ZFHX4: variants seen among roughly 807,000 people sequenced by gnomAD.
The protein encoded by ZFHX4 is zinc finger homeobox 4.
Under a neutral mutation model 267.6 loss-of-function variants are expected in ZFHX4, and 56 were observed. The observed-to-expected ratio is 0.21, with a 90% CI of 0.17 to 0.26. The LOEUF is 0.26. ZFHX4 is among the 10% of genes least tolerant of loss of function. The pLI is 1.00. For synonymous variants in ZFHX4, 1,778 were observed against 1,665.6 expected (o/e 1.07, Z -1.64); for missense variants, 4,332 against 4,420.0 (o/e 0.98, Z 0.56).
At chr8:76,732,986 AC>A (rs139477294) in intron 3 of ZFHX4, among the ~76,000 whole-genome samples, 5,996 of 152,202 alleles carry the variant, frequency 0.039, 268 homozygotes, top group East Asian at 0.24. Context: ...CAGAGCAGAG[AC>A]TATTTAGACA....
intron 3 of ZFHX4, among the ~76,000 whole-genome samples, chr8:76,768,141 G>A (rs1000789506): frequency 2.0e-5 from 3 of 152,110 alleles, no homozygotes; most frequent in Non-Finnish European, 4.4e-5. Context: ...TGTGAACGAA[G>A]GCATGTAAAT....
chr8:76,726,750 A>G (rs192362844), intron 3 of ZFHX4, among the ~76,000 whole-genome samples: 1 of 152,162 alleles, frequency 6.6e-6, no homozygotes, highest in Non-Finnish European at 1.5e-5. Flanking sequence ...ATCTTCCTTG[A>G]CTATGAAAGG....
At position 76,812,756 on chromosome 8, in the gene ZFHX4, C is replaced by T. The variant is rs191546643; in HGVS notation, c.3326-20582C>T. Among the ~76,000 whole-genome samples the T allele has an allele frequency of 3.2e-3, 490 of 151,798 alleles. 2 individuals carry two copies. Among genetic ancestry groups the T allele is most frequent in the African/African-American group, 0.011 (448 of 41,426 alleles). On this transcript the variant is annotated intron_variant, in intron 4 of 10. Transcript: ENST00000651372. ...TTTTTAGGTTCCATAAAGATTGTAA[C>T]GAAAAAAATGGATTTGCGGTACACA...
intron 4 of ZFHX4, among the ~76,000 whole-genome samples, chr8:76,794,484 G>C (rs1810919695): frequency 1.3e-5 from 2 of 152,098 alleles, no homozygotes; most frequent in South Asian, 4.1e-4. Flanking sequence ...CTTTTGCTCT[G>C]TGGCAACATA....
chr8:76,866,210 T>C lies in ZFHX4; in HGVS notation c.*1645T>C. The C allele has an allele frequency of 6.5e-6, 1 of 152,748 alleles. No homozygotes were observed. The highest frequency in any genetic ancestry group is 1.9e-4 in the East Asian group (1 of 5,186). 9.5% of individuals were successfully genotyped at this position (152,748 alleles called of 1,614,324 possible). On this transcript the variant is annotated 3_prime_UTR_variant, in exon 11 of 11. Coordinates refer to ENST00000651372, the MANE Select transcript of ZFHX4 (RefSeq NM_024721.5). ...CATATTTGTAGTTGGCTGTGCATGG[T>C]ACAAATTTATTAATATGAAGAAATG...
At chr8:76,766,921 A>T (rs1282708183) in intron 3 of ZFHX4, among the ~76,000 whole-genome samples, 1 of 152,064 alleles carries the variant, frequency 6.6e-6, no homozygotes, top group Non-Finnish European at 1.5e-5. Context: ...TTTTTGGCCA[A>T]TGTCAGTTGT....
intron 4 of ZFHX4, among the ~76,000 whole-genome samples, chr8:76,796,655 T>G (rs1172456235): frequency 6.6e-6 from 1 of 152,160 alleles, no homozygotes; most frequent in African/African-American, 2.4e-5. Flanking sequence ...TGGAACCAAC[T>G]GTAATGGTCT....
At chr8:76,814,768 C>G (rs1811463281) in intron 4 of ZFHX4, among the ~76,000 whole-genome samples, 1 of 152,116 alleles carries the variant, frequency 6.6e-6, no homozygotes, top group African/African-American at 2.4e-5. Context: ...CTCCTTTCCC[C>G]TCGTTCAAGC....
chr8:76,686,480 A>C (rs942587212), intron 1 of ZFHX4, among the ~76,000 whole-genome samples: 3 of 152,194 alleles, frequency 2.0e-5, no homozygotes, highest in Admixed American at 6.5e-5. Flanking sequence ...ATCTCAATAA[A>C]ATTAATCTTA....
intron 5 of ZFHX4, among the ~76,000 whole-genome samples, chr8:76,839,325 A>G (rs534627925): frequency 6.6e-6 from 1 of 152,300 alleles, no homozygotes; most frequent in South Asian, 2.1e-4. Context: ...CATTTTAGAC[A>G]TGTCAAAAAT....
Position 76,707,781 on chromosome 8 carries a change from C to T in ZFHX4, c.2826C>T (p.Ile942=). ...AATGGAGGGCAGTAATTGGAGATAT[C>T]TACCAGTGCAAGCTCTGCAACTACA... ...EEEWRAVIGD[I]YQCKLCNYNT... is the part of the protein sequence containing the mutation. Residue 942 remains isoleucine, a synonymous_variant, in exon 3 of 11, where the codon ATC becomes ATT. Transcript: ENST00000651372. The T allele has an allele frequency of 6.2e-7, 1 of 1,614,078 alleles. No individual in the cohort carries two copies. Among genetic ancestry groups the T allele is most frequent in the Non-Finnish European group, 8.5e-7 (1 of 1,179,974 alleles).
intron 1 of ZFHX4, 128 bp from the exon 2 acceptor site, chr8:76,703,915 G>A: frequency 1.5e-6 from 1 of 681,924 alleles, no homozygotes; most frequent in Middle Eastern, 4.1e-4. Flanking sequence ...AGGCACGCCG[G>A]TTTTAAGTTT....
intron 4 of ZFHX4, among the ~76,000 whole-genome samples, chr8:76,818,585 G>T (rs1811565090): frequency 6.6e-6 from 1 of 152,022 alleles, no homozygotes; most frequent in Non-Finnish European, 1.5e-5. Context: ...GGCTGGCACT[G>T]AGGTAGGGCC....
At chr8:76,777,600 G>A (rs1810431702) in intron 3 of ZFHX4, among the ~76,000 whole-genome samples, 1 of 152,112 alleles carries the variant, frequency 6.6e-6, no homozygotes, top group African/African-American at 2.4e-5. Flanking sequence ...GTCAGTATTT[G>A]TAACAAAGTA....
rs753826139 is a variant in ZFHX4, at chr8:76,706,423, G to A, written c.2335G>A (p.Ala779Thr). The A allele has an allele frequency of 1.2e-6, 2 of 1,613,990 alleles. No individual in the cohort carries two copies. The highest frequency in any genetic ancestry group is 1.7e-6 in the Non-Finnish European group (2 of 1,180,016). Residue 779 changes from alanine (A) to threonine (T), a missense_variant, in exon 2 of 11, where the codon GCC becomes ACC. Around this residue, in one of 7 missense-constraint regions of ZFHX4, gnomAD observed 1,195 missense variants for 1,173.6 expected, o/e 1.02. Transcript: ENST00000651372. ...AGTTTGTGATTATGAAACCAATGTC[G>A]CCAGGAACCTCCGAATTCATATGAC... ...CEVCDYETNVARNLRIHMTSE... is the reference protein window; with the variant it reads ...CEVCDYETNVTRNLRIHMTSE...
At chr8:76,800,181 G>A (rs1322439432) in intron 4 of ZFHX4, among the ~76,000 whole-genome samples, 6 of 152,106 alleles carry the variant, frequency 3.9e-5, no homozygotes, top group Non-Finnish European at 2.9e-5. Context: ...CATCCTGACA[G>A]TCCTCTGCAA....
chr8:76,815,484 T>C (rs1161023629), intron 4 of ZFHX4, among the ~76,000 whole-genome samples: 1 of 152,086 alleles, frequency 6.6e-6, no homozygotes, highest in African/African-American at 2.4e-5. Flanking sequence ...GCTATCACTC[T>C]GCATTTTATT....
At chr8:76,742,814 G>A (rs1178745394) in intron 3 of ZFHX4, among the ~76,000 whole-genome samples, 4 of 152,080 alleles carry the variant, frequency 2.6e-5, no homozygotes, top group East Asian at 1.9e-4. Flanking sequence ...TTCCTAAATC[G>A]GAACTGGCAG....
chr8:76,712,056 T>C (rs1392902019), intron 3 of ZFHX4, among the ~76,000 whole-genome samples: 2 of 152,226 alleles, frequency 1.3e-5, no homozygotes, highest in African/African-American at 4.8e-5. Flanking sequence ...CTGCATCTGC[T>C]AGTAGTGAAG....
Sources: gnomAD v4.1 joint callset for allele counts (sites outside exome capture counted in the v4.1 genomes callset) on GRCh38, gnomAD v4.1.1 for gene constraint, gnomAD v4.1.1 regional missense constraint, MANE v1.5 for transcripts, NCBI Gene and HGNC (gene_info 2026-07-23, HGNC 2026-07-21) for gene names.